Variants in CAST observed in about 807,000 individuals in gnomAD.
The protein encoded by CAST is MIR583 host.
A neutral mutation model predicts 119.6 loss-of-function variants in CAST; 76 were observed. That is an observed-to-expected ratio of 0.64 (90% CI 0.53 to 0.77). The LOEUF (loss-of-function observed/expected upper bound fraction) is 0.77. CAST is among the 30% of genes least tolerant of loss of function. The pLI, the probability that CAST is intolerant of heterozygous loss-of-function variation, is 0.00. For synonymous variants in CAST, 319 were observed against 331.6 expected (o/e 0.96, Z 0.41); for missense variants, 953 against 946.5 (o/e 1.01, Z -0.09).
the CAST span, among the ~76,000 whole-genome samples, chr5:96,143,830 G>A: frequency 6.6e-6 from 1 of 151,802 alleles, no homozygotes; most frequent in Admixed American, 6.6e-5. Flanking sequence ...GCCTTTTTTT[G>A]GATGATGTGA....
the CAST span, among the ~76,000 whole-genome samples, chr5:96,007,270 G>A: frequency 1.3e-5 from 2 of 152,164 alleles, no homozygotes; most frequent in African/African-American, 2.4e-5. Context: ...GGTACAGAGT[G>A]TTCTTTTCAT....
At chr5:96,716,151 T>TA (rs1161669323) in intron 3 of CAST, among the ~76,000 whole-genome samples, 1 of 152,250 alleles carries the variant, frequency 6.6e-6, no homozygotes, top group African/African-American at 2.4e-5. Flanking sequence ...TGGAAGCCTG[T>TA]ATTCAATAGA....
At chr5:96,058,671 G>A in the CAST span, among the ~76,000 whole-genome samples, 1 of 152,060 alleles carries the variant, frequency 6.6e-6, no homozygotes, top group Non-Finnish European at 1.5e-5. Context: ...ACTGGGATGG[G>A]ATACCCAGGA....
At chr5:96,762,432 A>G (rs549447094) in intron 25 of CAST, 60 bp downstream of exon 25, 2 of 1,237,514 alleles carry the variant, frequency 1.6e-6, no homozygotes, top group Admixed American at 2.6e-5. Context: ...CTAGAAAGAA[A>G]ATAGGGCGCC....
chr5:95,979,655 G>A, the CAST span, among the ~76,000 whole-genome samples: 1 of 152,148 alleles, frequency 6.6e-6, no homozygotes, highest in Non-Finnish European at 1.5e-5. Flanking sequence ...GTCTTTTTGG[G>A]AGGGCTCAAT....
At chr5:96,110,323 A>G in the CAST span, among the ~76,000 whole-genome samples, 355 of 152,304 alleles carry the variant, frequency 2.3e-3, 2 homozygotes, top group Non-Finnish European at 3.7e-3. Context: ...AGTTATCTCA[A>G]TTTCTTCTGA....
the CAST span, among the ~76,000 whole-genome samples, chr5:96,107,995 C>T: frequency 6.6e-6 from 1 of 151,916 alleles, no homozygotes; most frequent in African/African-American, 2.4e-5. Flanking sequence ...TGCTGATACC[C>T]TTTCTTCCAG....
chr5:96,099,570 C>G, the CAST span, among the ~76,000 whole-genome samples: 1 of 152,156 alleles, frequency 6.6e-6, no homozygotes, highest in Non-Finnish European at 1.5e-5. Context: ...TTTTCTGCAT[C>G]TATTAAGATA....
At chr5:96,153,006 A>C in the CAST span, among the ~76,000 whole-genome samples, 1 of 152,250 alleles carries the variant, frequency 6.6e-6, no homozygotes, top group Non-Finnish European at 1.5e-5. Context: ...GTGCTTTGTA[A>C]CTAGATGGCT....
At chr5:96,274,974 G>A in the CAST span, among the ~76,000 whole-genome samples, 984 of 152,278 alleles carry the variant, frequency 6.5e-3, 11 homozygotes, top group African/African-American at 0.021. Flanking sequence ...TTATACCTTC[G>A]TGGGCAGTGA....
the CAST span, among the ~76,000 whole-genome samples, chr5:96,021,743 G>T: frequency 6.6e-6 from 1 of 152,096 alleles, no homozygotes; most frequent in Admixed American, 6.6e-5. Flanking sequence ...ACTGCGCCTG[G>T]CTGATCAGCA....
At chr5:96,214,016 T>C in the CAST span, among the ~76,000 whole-genome samples, 1 of 152,140 alleles carries the variant, frequency 6.6e-6, no homozygotes, top group Non-Finnish European at 1.5e-5. Context: ...TAATAGCAAA[T>C]CTTGAAGATC....
the CAST span, chr5:96,412,861 C>A: frequency 1.1e-5 from 8 of 725,344 alleles, no homozygotes; most frequent in Middle Eastern, 6.6e-4. Flanking sequence ...AGGAAGTGGC[C>A]GTGATTGTTG....
At chr5:96,631,208 G>GAACATTTT (rs1396171291) in intron 1 of CAST, 1 of 140,500 alleles carries the variant, frequency 7.1e-6, no homozygotes, top group Non-Finnish European at 1.6e-5. Context: ...TCTAACTCCA[G>GAACATTTT]AACATTTTCA....
intron 24 of CAST, chr5:96,760,664 A>AT (rs1425686097): frequency 6.6e-6 from 1 of 151,934 alleles, no homozygotes; most frequent in Non-Finnish European, 1.5e-5. Flanking sequence ...GTAACAACAG[A>AT]TGAGAAAATG....
the CAST span, among the ~76,000 whole-genome samples, chr5:96,120,009 G>T: frequency 6.6e-6 from 1 of 152,092 alleles, no homozygotes; most frequent in African/African-American, 2.4e-5. Context: ...TGTGAAACAC[G>T]TTTTATTCCG....
At chr5:96,705,253 A>G (rs1477380431) in intron 3 of CAST, among the ~76,000 whole-genome samples, 1 of 152,070 alleles carries the variant, frequency 6.6e-6, no homozygotes, top group Non-Finnish European at 1.5e-5. Context: ...TGGGAGGTTA[A>G]ATTGTAGTGA....
At chr5:96,404,521 T>C in the CAST span, among the ~76,000 whole-genome samples, 1 of 152,326 alleles carries the variant, frequency 6.6e-6, no homozygotes, top group Admixed American at 6.5e-5. Flanking sequence ...CATTCCCCAA[T>C]ACTCTGGCTA....
the CAST span, among the ~76,000 whole-genome samples, chr5:96,469,879 A>ATAAC: frequency 9.3e-6 from 1 of 107,418 alleles, no homozygotes; most frequent in Non-Finnish European, 2.2e-5. Context: ...ATATATATAT[A>ATAAC]ATATATATAT....
Sources: gnomAD v4.1 joint callset for allele counts (sites outside exome capture counted in the v4.1 genomes callset) on GRCh38, gnomAD v4.1.1 for gene constraint, MANE v1.5 for transcripts, NCBI Gene and HGNC (gene_info 2026-07-23, HGNC 2026-07-21) for gene names.